NARS2: variants seen among roughly 807,000 people sequenced by gnomAD.
The protein encoded by NARS2 is asparaginyl-tRNA synthetase.
Under a neutral mutation model 62.9 loss-of-function variants are expected in NARS2, and 60 were observed. The ratio of observed to expected loss-of-function variants is 0.95; its 90% CI spans 0.77 to 1.18. The LOEUF (loss-of-function observed/expected upper bound fraction) is 1.18, where lower values mean the gene tolerates loss of function less well. Ranked by LOEUF, NARS2 falls within the 50% of genes most tolerant of loss-of-function variation. The pLI is 0.00. For synonymous variants in NARS2, 196 were observed against 200.0 expected (o/e 0.98, Z 0.17); for missense variants, 619 against 576.4 (o/e 1.07, Z -0.76).
At chr11:78,574,228 C>A in intron 1 of NARS2, 120 bp downstream of exon 1, 2 of 1,346,994 alleles carry the variant, frequency 1.5e-6, no homozygotes, top group Non-Finnish European at 1.1e-6. Flanking sequence ...GACGCCTACA[C>A]TTTCTAACTT....
At position 78,443,658 on chromosome 11, in the gene NARS2, T is replaced by C. The variant is rs1468635915; in HGVS notation, c.1262+3A>G. 13 of 1,605,740 alleles carry C rather than the reference T, an allele frequency of 8.1e-6. No individual in the cohort carries two copies. Among genetic ancestry groups the C allele is most frequent in the South Asian group, 1.1e-5 (1 of 90,904 alleles). ...TTGTGTTTCTTTTAGGTCTGACCAG[T>C]ACCTGGCTAAGCGCTCCTCTAAGAA... On this transcript the variant is annotated splice_donor_region_variant and intron_variant, in intron 12 of 13. Transcript: ENST00000281038.
At chr11:78,488,398 G>A (rs1859670390) in intron 7 of NARS2, among the ~76,000 whole-genome samples, 1 of 152,134 alleles carries the variant, frequency 6.6e-6, no homozygotes, top group Non-Finnish European at 1.5e-5. Flanking sequence ...ATGATACCTT[G>A]CTGGTTTTTA....
At position 78,516,587 on chromosome 11, in the gene NARS2, T is replaced by C. The variant is rs1485742343; in HGVS notation, c.689+12255A>G. Among the ~76,000 whole-genome samples, 3 of 152,246 alleles carry C rather than the reference T, an allele frequency of 2.0e-5. No individual in the cohort carries two copies. The East Asian group carries it at 5.8e-4, about 29-fold the overall frequency. On this transcript the variant is annotated intron_variant, in intron 6 of 13. Coordinates refer to ENST00000281038, the MANE Select transcript of NARS2 (RefSeq NM_024678.6). The stretch of plus-strand genomic sequence containing the variant: ...GAAGGTTGAAATTATATCTGTCTTG[T>C]TCATGTCTACTTTTTGATACACACA...
Position 78,550,267 on chromosome 11 carries a change from A to T in NARS2, c.594+9272T>A, listed in dbSNP as rs140577207. Among the ~76,000 whole-genome samples, 11 of 152,338 alleles carry T rather than the reference A, an allele frequency of 7.2e-5. No homozygotes were observed. The East Asian group carries it at 1.9e-3, about 27-fold the overall frequency. Reference sequence around the variant, plus strand: ...AACAAAATGTAACCTGAAGTGACCTAATGTTAACCAATCAGTTACTTTCTA... The same window carrying T: ...AACAAAATGTAACCTGAAGTGACCTTATGTTAACCAATCAGTTACTTTCTA... On this transcript the variant is annotated intron_variant, in intron 5 of 13. Transcript: ENST00000281038.
In NARS2 at chr11:78,571,314, CTT is replaced by C. The variant is rs1187614641; in HGVS notation, c.251+19_251+20del. On this transcript the variant is annotated intron_variant, in intron 2 of 13. Coordinates refer to ENST00000281038, the MANE Select transcript of NARS2 (RefSeq NM_024678.6). The stretch of plus-strand genomic sequence containing the variant: ...GGTGAAAAACAAAAATCAAAGAATT[CTT>C]TTAAAAAACAAAACTCACCTACTGT... 1 of 1,533,220 alleles carries C rather than the reference CTT, an allele frequency of 6.5e-7. No individual in the cohort carries two copies. Among genetic ancestry groups the C allele is most frequent in the Admixed American group, 1.7e-5 (1 of 59,448 alleles). The allele number at this position is 1,533,220 out of a possible 1,614,324, so 95.0% of individuals were successfully genotyped here.
chr11:78,453,109 T>C (rs1858032167), intron 11 of NARS2, among the ~76,000 whole-genome samples: 1 of 152,222 alleles, frequency 6.6e-6, no homozygotes, highest in African/African-American at 2.4e-5. Context: ...TTGGGAGGCT[T>C]GAACTAAGCA....
At position 78,563,883 on chromosome 11, in the gene NARS2, C is replaced by CAAT. The variant is rs1453360896; in HGVS notation, c.513+2248_513+2249insATT. On this transcript the variant is annotated intron_variant, in intron 4 of 13. Coordinates refer to ENST00000281038, the MANE Select transcript of NARS2 (RefSeq NM_024678.6). ...ATATATATATATGTATACACACACA[C>CAAT]AGTATTATTATTATTATTATTATTA... Among the ~76,000 whole-genome samples, 432 of 93,104 alleles carry CAAT rather than the reference C, an allele frequency of 4.6e-3. 5 individuals carry two copies. Among genetic ancestry groups the CAAT allele is most frequent in the African/African-American group, 0.021 (408 of 19,646 alleles). 61.1% of individuals were successfully genotyped at this position (93,104 alleles called of 152,430 possible). A position where few individuals can be genotyped will look rare whatever the true frequency, so the allele number is the denominator to read the frequency against.
At chr11:78,572,546 A>G (rs1002237988) in intron 1 of NARS2, among the ~76,000 whole-genome samples, 1 of 152,218 alleles carries the variant, frequency 6.6e-6, no homozygotes, top group South Asian at 2.1e-4. Context: ...CACATCTTTC[A>G]GGACTTGGCT....
At chr11:78,476,735 G>A (rs913385427) in intron 9 of NARS2, among the ~76,000 whole-genome samples, 8 of 152,202 alleles carry the variant, frequency 5.3e-5, no homozygotes, top group South Asian at 2.1e-4. Flanking sequence ...TTGAAATGGC[G>A]CAGCCCAAGA....
chr11:78,553,367 C>A (rs572397370), intron 5 of NARS2, among the ~76,000 whole-genome samples: 3 of 152,082 alleles, frequency 2.0e-5, no homozygotes, highest in Non-Finnish European at 4.4e-5. Flanking sequence ...CAGCTCACTG[C>A]AACCTGCACC....
intron 3 of NARS2, among the ~76,000 whole-genome samples, chr11:78,568,305 T>C (rs1856808563): frequency 2.0e-5 from 3 of 152,162 alleles, no homozygotes; most frequent in Admixed American, 2.0e-4. Context: ...GGATGATCGG[T>C]TCTACATCAT....
chr11:78,471,366 T>C (rs940385697), intron 9 of NARS2, among the ~76,000 whole-genome samples: 14 of 152,016 alleles, frequency 9.2e-5, no homozygotes, highest in African/African-American at 3.4e-4. Context: ...CAAAAGAAAA[T>C]GGGCTCAACT....
At position 78,552,155 on chromosome 11, in the gene NARS2, C is replaced by T. The variant is rs115513396; in HGVS notation, c.594+7384G>A. Among the ~76,000 whole-genome samples, 1,302 of 152,310 alleles carry T rather than the reference C, an allele frequency of 8.5e-3. 19 individuals are homozygous for T. Among genetic ancestry groups the T allele is most frequent in the African/African-American group, 0.03 (1,235 of 41,554 alleles). On this transcript the variant is annotated intron_variant, in intron 5 of 13. Coordinates refer to ENST00000281038, the MANE Select transcript of NARS2 (RefSeq NM_024678.6). ...TCTTCTCCCTCCTCCCATCCTCCCC[C>T]CTCAGGAAGACACCAGTGTCTGTTG...
At chr11:78,464,474 A>AT (rs1858531218) in intron 11 of NARS2, among the ~76,000 whole-genome samples, 1 of 152,044 alleles carries the variant, frequency 6.6e-6, no homozygotes, top group Non-Finnish European at 1.5e-5. Context: ...TGATTGGTAC[A>AT]TTTACAGTCC....
Position 78,574,477 on chromosome 11 carries a change from G to T in NARS2, c.12C>A (p.Val4=). The change falls in exon 1 of 14, where the codon GTC becomes GTA. Residue 4 remains valine, a synonymous_variant. Coordinates refer to ENST00000281038, the MANE Select transcript of NARS2 (RefSeq NM_024678.6). ...AGCGCACGGACCGCAGCAGGCAGCG[G>T]ACCCCCAGCATCCCGCGTCCGCCCA... MLG[V]RCLLRSVRFC... is the part of the protein sequence containing the mutation. 2 of 1,612,186 alleles carry T rather than the reference G, an allele frequency of 1.2e-6. No homozygotes were observed. The highest frequency in any genetic ancestry group is 1.1e-5 in the South Asian group (1 of 91,032).
chr11:78,496,946 C>T (rs1860083725), intron 6 of NARS2, among the ~76,000 whole-genome samples: 1 of 151,956 alleles, frequency 6.6e-6, no homozygotes, highest in African/African-American at 2.4e-5. Flanking sequence ...ACATGAAAGC[C>T]ATTTGCAGCA....
chr11:78,448,912 A>G (rs1354916137), intron 11 of NARS2, among the ~76,000 whole-genome samples: 10 of 152,182 alleles, frequency 6.6e-5, no homozygotes, highest in Non-Finnish European at 1.2e-4. Context: ...AACCACGTTA[A>G]TTTTGGATCT....
intron 7 of NARS2, among the ~76,000 whole-genome samples, chr11:78,485,185 T>C (rs941241159): frequency 2.0e-5 from 3 of 150,304 alleles, no homozygotes; most frequent in Admixed American, 6.7e-5. Context: ...AGTTGAACAA[T>C]GAGAACACAT....
chr11:78,467,571 T>TAAATAAATA (rs1399736903), intron 10 of NARS2, among the ~76,000 whole-genome samples: 5 of 150,194 alleles, frequency 3.3e-5, no homozygotes, highest in African/African-American at 1.2e-4. Context: ...ATAAATAAAT[T>TAAATAAATA]AATTAATTAA....
Sources: gnomAD v4.1 joint callset for allele counts (sites outside exome capture counted in the v4.1 genomes callset) on GRCh38, gnomAD v4.1.1 for gene constraint, MANE v1.5 for transcripts, NCBI Gene and HGNC (gene_info 2026-07-23, HGNC 2026-07-21) for gene names.